The following CDH11 variants were observed in gnomAD, a reference collection of about 807,000 sequenced individuals.
CDH11 encodes the protein cadherin-11.
In CDH11, 11 loss-of-function variants were observed where a neutral mutation model predicts 67.8. That is an observed-to-expected ratio of 0.16 (90% CI 0.10 to 0.27). The LOEUF is 0.27. Among genes scored for constraint, CDH11 ranks in the 10% least tolerant of loss-of-function variants. CDH11 has a pLI of 1.00. For synonymous variants in CDH11, 419 were observed against 400.0 expected (o/e 1.05, Z -0.57); for missense variants, 847 against 1,031.2 (o/e 0.82, Z 2.45).
At position 65,004,780 on chromosome 16, in the gene CDH11, G is replaced by C; in HGVS notation, c.90C>G (p.His30Gln). 1 of 1,582,450 alleles carries C rather than the reference G, an allele frequency of 6.3e-7. No individual in the cohort carries two copies. ...GGTGCCCATGGAAGGAGGGCCGCAG[G>C]TGCCCCCGCCGCTCTGGGGCAAAGG... ...SHAFAPERRG[H>Q]LRPSFHGHHE... The change falls in exon 3 of 13, where the codon CAC (histidine) becomes CAG (glutamine). Residue 30 changes from histidine to glutamine, a missense_variant. Physicochemically the swap from His to Gln is conservative, Grantham distance 24. Around this residue, in one of 2 missense-constraint regions of CDH11, gnomAD observed 235 missense variants for 352.5 expected, o/e 0.67. Coordinates refer to ENST00000268603, the MANE Select transcript of CDH11 (RefSeq NM_001797.4).
At chr16:65,110,213 C>A (rs7202683) in intron 1 of CDH11, among the ~76,000 whole-genome samples, 4,209 of 152,290 alleles carry the variant, frequency 0.028, 214 homozygotes, top group African/African-American at 0.095. Flanking sequence ...CAACCTTACA[C>A]CCTATCTGAC....
At chr16:65,052,523 G>A (rs973355327) in intron 2 of CDH11, among the ~76,000 whole-genome samples, 5 of 152,160 alleles carry the variant, frequency 3.3e-5, no homozygotes, top group African/African-American at 1.2e-4. Flanking sequence ...TAGAGTGGAT[G>A]TATATAATAC....
At chr16:65,043,304 G>A (rs2073898199) in intron 2 of CDH11, among the ~76,000 whole-genome samples, 1 of 152,176 alleles carries the variant, frequency 6.6e-6, no homozygotes, top group South Asian at 2.1e-4. Context: ...TCACAGGTTG[G>A]ATTATCTGGG....
At chr16:65,105,084 A>T (rs1341526284) in intron 1 of CDH11, among the ~76,000 whole-genome samples, 3 of 152,166 alleles carry the variant, frequency 2.0e-5, no homozygotes, top group Non-Finnish European at 4.4e-5. Context: ...ATGACTTTGA[A>T]TCTCTCTGTC....
At chr16:65,003,235 C>CT (rs1010901194) in intron 3 of CDH11, among the ~76,000 whole-genome samples, 3 of 151,454 alleles carry the variant, frequency 2.0e-5, no homozygotes, top group Non-Finnish European at 2.9e-5. Context: ...TAATAATCAT[C>CT]TTTTTTATTA....
chr16:65,031,591 C>G (rs982850178), intron 2 of CDH11, among the ~76,000 whole-genome samples: 1 of 151,988 alleles, frequency 6.6e-6, no homozygotes, highest in Non-Finnish European at 1.5e-5. Context: ...ATATTTAAGA[C>G]ATGAAATAAG....
Position 64,997,300 on chromosome 16 carries a change from AAAATAAAT to A in CDH11, c.523+1254_523+1261del, listed in dbSNP as rs71143544. On this transcript the variant is annotated intron_variant, in intron 4 of 12. Coordinates refer to ENST00000268603, the MANE Select transcript of CDH11 (RefSeq NM_001797.4). ...GAGTAACAGAGGGAGACTCTGTCTC[AAAATAAAT>A]AAATAAATAAATAAATAAATAAATA... Among the ~76,000 whole-genome samples the A allele has an allele frequency of 4.0e-3, 502 of 125,154 alleles. 6 individuals are homozygous for A. The highest frequency in any genetic ancestry group is 0.012 in the African/African-American group (392 of 33,488). 82.1% of individuals were successfully genotyped at this position (125,154 alleles called of 152,430 possible). A position where few individuals can be genotyped will look rare whatever the true frequency, so the allele number is the denominator to read the frequency against.
intron 4 of CDH11, among the ~76,000 whole-genome samples, chr16:64,998,123 C>T (rs1454717248): frequency 6.6e-6 from 1 of 152,152 alleles, no homozygotes; most frequent in African/African-American, 2.4e-5. Context: ...GTTAAATGTG[C>T]ATTTTAGATC....
intron 2 of CDH11, among the ~76,000 whole-genome samples, chr16:65,032,685 G>C (rs2073668274): frequency 6.6e-6 from 1 of 152,136 alleles, no homozygotes; most frequent in African/African-American, 2.4e-5. Context: ...TGCAAAAAAA[G>C]AAAATTAATT....
chr16:65,090,408 C>A (rs1232073463), intron 1 of CDH11, among the ~76,000 whole-genome samples: 1 of 152,146 alleles, frequency 6.6e-6, no homozygotes, highest in Non-Finnish European at 1.5e-5. Flanking sequence ...ATCACCACCA[C>A]CAACAGCAAG....
chr16:65,035,576 T>C (rs750357310), intron 2 of CDH11, among the ~76,000 whole-genome samples: 7 of 152,198 alleles, frequency 4.6e-5, no homozygotes, highest in Non-Finnish European at 7.3e-5. Context: ...TAAAAAGGCA[T>C]AAATGCTTTT....
At chr16:65,028,426 C>A (rs2073575359) in intron 2 of CDH11, among the ~76,000 whole-genome samples, 1 of 151,414 alleles carries the variant, frequency 6.6e-6, no homozygotes, top group Admixed American at 6.6e-5. Flanking sequence ...TTTGGACTGA[C>A]ACAGATCAAG....
At chr16:64,996,097 G>T (rs1008670234) in intron 4 of CDH11, among the ~76,000 whole-genome samples, 1 of 152,146 alleles carries the variant, frequency 6.6e-6, no homozygotes, top group Non-Finnish European at 1.5e-5. Context: ...TAACATGCTG[G>T]TGAGGATGTG....
rs1317801128 is a variant in CDH11 at position 65,121,560 on chromosome 16, GCCAGGTACAAACCC to G, written c.-298+306_-298+319del. 6.6e-6 allele frequency among the ~76,000 whole-genome samples: 1 copy of G among 152,172 alleles called. No homozygotes were observed. The highest frequency in any genetic ancestry group is 1.5e-5 in the Non-Finnish European group (1 of 68,038). On this transcript the variant is annotated intron_variant, in intron 1 of 12. Coordinates refer to ENST00000268603, the MANE Select transcript of CDH11 (RefSeq NM_001797.4). The surrounding 1 kb of genome is among the most constrained non-coding windows in gnomAD (Gnocchi z 4.1). The stretch of plus-strand genomic sequence containing the variant: ...GTCTGCTCTGCAGTCTCTTGCCCCA[GCCAGGTACAAACCC>G]CCTCTGCTGTGGCCTCGGCGCAGAC...
intron 1 of CDH11, among the ~76,000 whole-genome samples, chr16:65,081,049 T>C (rs758073150): frequency 6.6e-6 from 1 of 152,208 alleles, no homozygotes; most frequent in Admixed American, 6.5e-5. Flanking sequence ...CTTTCATATA[T>C]CAAAATTCAC....
intron 1 of CDH11, among the ~76,000 whole-genome samples, chr16:65,063,813 G>T (rs1247158742): frequency 6.6e-6 from 1 of 152,172 alleles, no homozygotes; most frequent in Admixed American, 6.5e-5. Flanking sequence ...GGGTACCAGG[G>T]TGGATTTGAT....
At chr16:65,001,310 C>G (rs1198969642) in intron 3 of CDH11, among the ~76,000 whole-genome samples, 1 of 152,192 alleles carries the variant, frequency 6.6e-6, no homozygotes, top group Non-Finnish European at 1.5e-5. Context: ...GTCCATTTGA[C>G]AGTAAAATAC....
chr16:65,104,402 ATC>A (rs1383466923), intron 1 of CDH11, among the ~76,000 whole-genome samples: 3 of 152,174 alleles, frequency 2.0e-5, no homozygotes, highest in African/African-American at 7.2e-5. Context: ...AACTCTTTGA[ATC>A]TCTTTCTCTC....
chr16:65,109,375 A>G (rs1346446466), intron 1 of CDH11, among the ~76,000 whole-genome samples: 2 of 152,196 alleles, frequency 1.3e-5, no homozygotes, highest in Non-Finnish European at 2.9e-5. Context: ...TCAAAGGTGT[A>G]TCAGAAAAGT....
Sources: gnomAD v4.1 joint callset for allele counts (sites outside exome capture counted in the v4.1 genomes callset) on GRCh38, gnomAD v4.1.1 for gene constraint, gnomAD v4.1.1 regional missense constraint, Gnocchi (gnomAD v3.1) non-coding constraint, MANE v1.5 for transcripts, NCBI Gene and HGNC (gene_info 2026-07-23, HGNC 2026-07-21) for gene names.